Variants in ENDOD1 observed in about 807,000 individuals in gnomAD.
The protein encoded by ENDOD1 is endonuclease domain-containing 1 protein.
Under a neutral mutation model 6.5 loss-of-function variants are expected in ENDOD1, and 9 were observed. The ratio of observed to expected loss-of-function variants is 1.39; its 90% CI spans 0.84 to 2.43. The LOEUF is 2.43. Among genes scored for constraint, ENDOD1 ranks in the 30% most tolerant of loss-of-function variants. The pLI is 0.00. For missense variants in ENDOD1, 648 were observed against 635.5 expected (o/e 1.02, Z -0.21); for synonymous variants, 255 against 255.2 (o/e 1.00, Z 0.01).
intron 1 of ENDOD1, among the ~76,000 whole-genome samples, chr11:95,120,852 T>C (rs558641966): frequency 5.9e-5 from 9 of 152,318 alleles, no homozygotes; most frequent in East Asian, 1.9e-4. Flanking sequence ...ACCACTGGGA[T>C]TGGCAGCTTT....
chr11:95,094,390 G>T (rs1405558742), intron 1 of ENDOD1, among the ~76,000 whole-genome samples: 1 of 152,032 alleles, frequency 6.6e-6, no homozygotes, highest in Admixed American at 6.5e-5. Context: ...ATGGTCTTAG[G>T]ACTCTAATTT....
At chr11:95,103,841 C>T (rs925780269) in intron 1 of ENDOD1, among the ~76,000 whole-genome samples, 11 of 152,194 alleles carry the variant, frequency 7.2e-5, no homozygotes, top group African/African-American at 2.2e-4. Context: ...CCTAAACACT[C>T]GGCGCATATA....
At chr11:95,114,174 A>G (rs1859178591) in intron 1 of ENDOD1, among the ~76,000 whole-genome samples, 1 of 152,214 alleles carries the variant, frequency 6.6e-6, no homozygotes, top group Non-Finnish European at 1.5e-5. Context: ...TCTGATGCCC[A>G]GGCACAATCT....
At chr11:95,126,045 T>G (rs892652878) in intron 1 of ENDOD1, among the ~76,000 whole-genome samples, 6 of 152,184 alleles carry the variant, frequency 3.9e-5, no homozygotes, top group African/African-American at 1.4e-4. Context: ...CTACAAGGGA[T>G]GTGGTAGCAG....
At chr11:95,101,934 A>AT (rs146941234) in intron 1 of ENDOD1, among the ~76,000 whole-genome samples, 1 of 152,016 alleles carries the variant, frequency 6.6e-6, no homozygotes, top group African/African-American at 2.4e-5. Flanking sequence ...TTTTTCTTTA[A>AT]TTTTTTTTCT....
intron 1 of ENDOD1, among the ~76,000 whole-genome samples, chr11:95,090,521 A>G (rs777043893): frequency 6.6e-6 from 1 of 152,220 alleles, no homozygotes; most frequent in Admixed American, 6.5e-5. Context: ...CTGAGCAGAC[A>G]TCCGCAGTGT....
intron 1 of ENDOD1, among the ~76,000 whole-genome samples, chr11:95,092,520 A>T (rs1255435569): frequency 2.0e-5 from 3 of 152,190 alleles, no homozygotes; most frequent in East Asian, 3.9e-4. Flanking sequence ...GCAGCTTGAG[A>T]GGTAAGATGT....
chr11:95,109,342 G>C (rs1555111699), intron 1 of ENDOD1, among the ~76,000 whole-genome samples: 2 of 152,208 alleles, frequency 1.3e-5, no homozygotes, highest in African/African-American at 4.8e-5. Flanking sequence ...CCTTGCAGCA[G>C]ATCAAGGAGC....
chr11:95,110,334 T>G (rs781873548), intron 1 of ENDOD1, among the ~76,000 whole-genome samples: 1 of 152,178 alleles, frequency 6.6e-6, no homozygotes, highest in Non-Finnish European at 1.5e-5. Flanking sequence ...TCTGCCCATC[T>G]TCTTCTTCCA....
intron 1 of ENDOD1, among the ~76,000 whole-genome samples, chr11:95,120,344 G>GATT (rs1208744068): frequency 6.6e-6 from 1 of 152,110 alleles, no homozygotes; most frequent in Non-Finnish European, 1.5e-5. Context: ...TATTGCTGCT[G>GATT]ATTATTAAGG....
rs1375057172 is a variant in ENDOD1 at position 95,128,400 on chromosome 11, TGAG to T, written c.329_331del (p.Glu110del). 1.9e-6 allele frequency: 3 copies of T among 1,613,608 alleles called. No individual in the cohort carries two copies. Among genetic ancestry groups the T allele is most frequent in the Admixed American group, 3.3e-5 (2 of 59,992 alleles). ...AGATCGATGACCCCAACAGCAACCT[TGAG>T]GAGGCGATTAATGAGGCAGAGGCCA... On this transcript the variant is annotated inframe_deletion, in exon 2 of 2. Transcript: ENST00000278505.
intron 1 of ENDOD1, among the ~76,000 whole-genome samples, chr11:95,101,707 C>T (rs646809): frequency 0.69 from 104,947 of 151,984 alleles, 38,378 homozygotes; most frequent in East Asian, 0.88. Flanking sequence ...AACTTTTATT[C>T]TAGTTCCCAA....
At chr11:95,125,588 C>G (rs1342172447) in intron 1 of ENDOD1, among the ~76,000 whole-genome samples, 3 of 129,842 alleles carry the variant, frequency 2.3e-5, no homozygotes, top group African/African-American at 5.6e-5. Context: ...TGCTATCCCT[C>G]CCCCCTCCCC....
rs1196177278 is a variant in ENDOD1, at chr11:95,132,531, A to G, written c.*2952A>G. 1 of 152,222 alleles carries G rather than the reference A, an allele frequency of 6.6e-6. No individual in the cohort carries two copies. Among genetic ancestry groups the G allele is most frequent in the Non-Finnish European group, 1.5e-5 (1 of 68,048 alleles). 9.4% of individuals were successfully genotyped at this position (152,222 alleles called of 1,614,324 possible). Reference sequence around the variant, plus strand: ...GGAACAGAGGAAGAAAAACCACGAAACCATGGAAATTAGGGAAGCCTTTAC... The same window carrying G: ...GGAACAGAGGAAGAAAAACCACGAAGCCATGGAAATTAGGGAAGCCTTTAC... On this transcript the variant is annotated 3_prime_UTR_variant, in exon 2 of 2. Transcript: ENST00000278505.
intron 1 of ENDOD1, among the ~76,000 whole-genome samples, chr11:95,117,878 C>G (rs1565447805): frequency 6.6e-6 from 1 of 152,060 alleles, no homozygotes; most frequent in South Asian, 2.1e-4. Flanking sequence ...GTGATTTTCT[C>G]TGGGGATATG....
chr11:95,096,003 G>C (rs782631235), intron 1 of ENDOD1, among the ~76,000 whole-genome samples: 2 of 152,124 alleles, frequency 1.3e-5, no homozygotes, highest in Non-Finnish European at 2.9e-5. Flanking sequence ...GTATGTAAAT[G>C]CCAGCTTCAG....
At chr11:95,123,793 T>C (rs1419552045) in intron 1 of ENDOD1, among the ~76,000 whole-genome samples, 4 of 152,146 alleles carry the variant, frequency 2.6e-5, no homozygotes, top group Non-Finnish European at 5.9e-5. Context: ...GTAGCATTTT[T>C]CCGGCTGGGC....
intron 1 of ENDOD1, among the ~76,000 whole-genome samples, chr11:95,107,815 T>C (rs1859104916): frequency 6.6e-6 from 1 of 152,050 alleles, no homozygotes. Flanking sequence ...CGCGCGCCAC[T>C]CCGCCCGGCT....
At chr11:95,121,036 T>C (rs1187209973) in intron 1 of ENDOD1, among the ~76,000 whole-genome samples, 1 of 152,216 alleles carries the variant, frequency 6.6e-6, no homozygotes, top group Non-Finnish European at 1.5e-5. Flanking sequence ...ATGCCAGTGC[T>C]GCTGTGGGAT....
Sources: gnomAD v4.1 joint callset for allele counts (sites outside exome capture counted in the v4.1 genomes callset) on GRCh38, gnomAD v4.1.1 for gene constraint, MANE v1.5 for transcripts, NCBI Gene and HGNC (gene_info 2026-07-23, HGNC 2026-07-21) for gene names.